The following PACRG variants were observed in gnomAD, a reference collection of about 807,000 sequenced individuals.
PACRG encodes parkin coregulated.
In PACRG, 29 loss-of-function variants were observed where a neutral mutation model predicts 29.7. The observed-to-expected ratio is 0.98, with a 90% CI of 0.73 to 1.33. PACRG has a LOEUF of 1.33. Among genes scored for constraint, PACRG ranks in the 40% most tolerant of loss-of-function variants. The pLI is 0.00. For synonymous variants in PACRG, 116 were observed against 118.7 expected (o/e 0.98, Z 0.15); for missense variants, 279 against 316.2 (o/e 0.88, Z 0.89).
At chr6:163,141,609 A>C (rs895347960) in intron 4 of PACRG, among the ~76,000 whole-genome samples, 1 of 152,028 alleles carries the variant, frequency 6.6e-6, no homozygotes, top group Non-Finnish European at 1.5e-5. Flanking sequence ...GATTTAAAGA[A>C]AAAAAATGAA....
intron 2 of PACRG, among the ~76,000 whole-genome samples, chr6:162,948,237 T>C (rs528738268): frequency 2.0e-5 from 3 of 151,958 alleles, no homozygotes; most frequent in Non-Finnish European, 4.4e-5. Context: ...CAGAAATAAA[T>C]CTATGTGTTT....
intron 4 of PACRG, among the ~76,000 whole-genome samples, chr6:163,222,231 G>A (rs1178823894): frequency 6.6e-6 from 1 of 152,198 alleles, no homozygotes; most frequent in African/African-American, 2.4e-5. Flanking sequence ...AATTCTCAGG[G>A]ACAGCTTGTG....
intron 1 of PACRG, among the ~76,000 whole-genome samples, chr6:162,791,678 C>G (rs1784960963): frequency 6.6e-6 from 1 of 152,124 alleles, no homozygotes; most frequent in South Asian, 2.1e-4. Context: ...GGCGCTTTTG[C>G]TTCATATCTA....
chr6:162,746,403 T>C (rs932055221), intron 1 of PACRG, among the ~76,000 whole-genome samples: 14 of 152,202 alleles, frequency 9.2e-5, no homozygotes, highest in African/African-American at 3.1e-4. Context: ...TTATATGATG[T>C]AGTGATTATA....
At chr6:162,838,714 G>A (rs891562823) in intron 2 of PACRG, among the ~76,000 whole-genome samples, 3 of 150,058 alleles carry the variant, frequency 2.0e-5, no homozygotes, top group Admixed American at 6.6e-5. Context: ...CTAGCATTAC[G>A]TATATCTCCC....
At chr6:162,755,409 C>T (rs905587582) in intron 1 of PACRG, among the ~76,000 whole-genome samples, 1 of 150,984 alleles carries the variant, frequency 6.6e-6, no homozygotes, top group Non-Finnish European at 1.5e-5. Context: ...TTTCTTCTTC[C>T]TCCTCCTCCT....
intron 2 of PACRG, among the ~76,000 whole-genome samples, chr6:162,829,946 C>A (rs1172907183): frequency 6.6e-6 from 1 of 152,092 alleles, no homozygotes; most frequent in Non-Finnish European, 1.5e-5. Context: ...TCAAATGGGA[C>A]CCTAACACAA....
chr6:163,111,451 C>T (rs1002081038), intron 4 of PACRG, among the ~76,000 whole-genome samples: 2 of 152,234 alleles, frequency 1.3e-5, no homozygotes, highest in Non-Finnish European at 2.9e-5. Context: ...AACATCCACA[C>T]AGCTAGTTGA....
At position 163,089,328 on chromosome 6, in the gene PACRG, C is replaced by G. The variant is rs764350117; in HGVS notation, c.533C>G (p.Ser178Ter). ...AAGGTCCTCCAGCATCTGGTTGTGT[C>G]AGCTGAGATGGTGGGCAAGGCCTTG... Reference protein sequence around the residue: ...TLKVLQHLVVSAEMVGKALVP... With the variant: ...TLKVLQHLVV The change falls in exon 4 of 5, where the codon TCA becomes TGA. Residue 178 changes from serine (S) to a stop codon, truncating the protein, a stop_gained. Transcript: ENST00000366888. LOFTEE classifies it high-confidence loss of function. 6.2e-7 allele frequency: 1 copy of G among 1,614,124 alleles called. No individual in the cohort carries two copies. The highest frequency in any genetic ancestry group is 8.5e-7 in the Non-Finnish European group (1 of 1,179,998).
chr6:162,870,631 C>T (rs1006447216), intron 2 of PACRG, among the ~76,000 whole-genome samples: 4 of 152,156 alleles, frequency 2.6e-5, no homozygotes, highest in African/African-American at 9.7e-5. Flanking sequence ...TATGCCTTTG[C>T]GTCCTCATAG....
intron 2 of PACRG, among the ~76,000 whole-genome samples, chr6:162,865,274 C>T (rs1584585138): frequency 6.6e-6 from 1 of 151,956 alleles, no homozygotes; most frequent in Non-Finnish European, 1.5e-5. Flanking sequence ...GCCTTGGCTC[C>T]CATAAAATTA....
chr6:162,827,167 A>T (rs1788356209), intron 2 of PACRG, among the ~76,000 whole-genome samples: 3 of 152,190 alleles, frequency 2.0e-5, no homozygotes, highest in Admixed American at 2.0e-4. Flanking sequence ...GTGCTAGTGT[A>T]TTAGATTGGT....
intron 2 of PACRG, among the ~76,000 whole-genome samples, chr6:163,048,551 G>T (rs1809651249): frequency 6.6e-6 from 1 of 152,128 alleles, no homozygotes. Context: ...CGGTGAGATT[G>T]AACTCTGTGG....
chr6:163,277,675 GTATCTA>G (rs890258580), intron 4 of PACRG, among the ~76,000 whole-genome samples: 10 of 146,216 alleles, frequency 6.8e-5, no homozygotes, highest in South Asian at 4.2e-4. Flanking sequence ...ATATATATCT[GTATCTA>G]TATCTATATC....
At chr6:162,980,769 G>A (rs80112586) in intron 2 of PACRG, among the ~76,000 whole-genome samples, 5,278 of 152,114 alleles carry the variant, frequency 0.035, 320 homozygotes, top group African/African-American at 0.12. Context: ...GTATGGCCCC[G>A]CCTTTAAGAA....
chr6:163,216,087 T>C lies in PACRG; in HGVS notation c.614-98740T>C, dbSNP rs984088278. ...AGAGATCATTTTTCAATTGAACACA[T>C]GAAATGTAGACTTTTCCCTCTTTTC... On this transcript the variant is annotated intron_variant, in intron 4 of 4. Coordinates refer to ENST00000366888, the MANE Select transcript of PACRG (RefSeq NM_001080379.2). 7.2e-5 allele frequency among the ~76,000 whole-genome samples: 11 copies of C among 152,346 alleles called. No individual in the cohort carries two copies. In the South Asian group the frequency reaches 1.2e-3, roughly 17 times the overall value.
At chr6:162,902,854 C>T (rs1795653788) in intron 2 of PACRG, among the ~76,000 whole-genome samples, 2 of 152,184 alleles carry the variant, frequency 1.3e-5, no homozygotes, top group Admixed American at 6.5e-5. Flanking sequence ...ATAACAAATG[C>T]TGCCCTTTGG....
intron 2 of PACRG, among the ~76,000 whole-genome samples, chr6:163,019,957 C>G (rs527607005): frequency 6.6e-6 from 1 of 152,344 alleles, no homozygotes; most frequent in African/African-American, 2.4e-5. Context: ...AGCTCAGCCT[C>G]TTCAACTAAA....
At chr6:162,764,074 G>A (rs1178320678) in intron 1 of PACRG, among the ~76,000 whole-genome samples, 1 of 152,144 alleles carries the variant, frequency 6.6e-6, no homozygotes, top group Non-Finnish European at 1.5e-5. Flanking sequence ...AGGAGATCGA[G>A]ACCATCCTGG....
Sources: allele counts gnomAD v4.1 joint callset (sites outside exome capture counted in the v4.1 genomes callset), GRCh38; gene constraint gnomAD v4.1.1; transcripts MANE v1.5; gene names NCBI Gene and HGNC (gene_info 2026-07-23, HGNC 2026-07-21).